GLDC: variants seen among roughly 807,000 people sequenced by gnomAD.
The protein encoded by GLDC is glycine decarboxylase.
A neutral mutation model predicts 121.3 loss-of-function variants in GLDC; 104 were observed. That is an observed-to-expected ratio of 0.86 (90% CI 0.73 to 1.01). The LOEUF (loss-of-function observed/expected upper bound fraction) is 1.01, where lower values mean the gene tolerates loss of function less well. Ranked by LOEUF, GLDC falls within the 50% of genes least tolerant of loss-of-function variation. The pLI is 0.00. For missense variants in GLDC, 1,429 were observed against 1,306.6 expected, an observed-to-expected ratio of 1.09 and a Z score of -1.44; for synonymous variants, 546 against 480.6, an observed-to-expected ratio of 1.14 and a Z score of -1.78.
chr9:6,594,476 T>C (rs1408400768), intron 9 of GLDC, among the ~76,000 whole-genome samples: 1 of 151,958 alleles, frequency 6.6e-6, no homozygotes, highest in East Asian at 1.9e-4. Context: ...TGGACGGATT[T>C]CTTGAGGTCA....
intron 21 of GLDC, among the ~76,000 whole-genome samples, chr9:6,546,235 C>G (rs568444166): frequency 6.6e-6 from 1 of 152,010 alleles, no homozygotes; most frequent in Non-Finnish European, 1.5e-5. Context: ...CTCTGTCACC[C>G]AGGCTGGAGT....
Position 6,558,728 on chromosome 9 carries a change from A to G in GLDC, c.1927-44T>C, listed in dbSNP as rs1217730155. 3.1e-6 allele frequency: 5 copies of G among 1,610,294 alleles called. No homozygotes were observed. The South Asian group carries it at 5.5e-5, about 18-fold the overall frequency. On this transcript the variant is annotated intron_variant, in intron 16 of 24. Coordinates refer to ENST00000321612, the MANE Select transcript of GLDC (RefSeq NM_000170.3). Reference sequence around the variant, plus strand: ...GCAAAGAAAGAGCAAAATCATCATCAGACTATGAATAATGACAGAAAAGTA... The same window carrying G: ...GCAAAGAAAGAGCAAAATCATCATCGGACTATGAATAATGACAGAAAAGTA...
At chr9:6,534,442 G>T (rs565102989) in intron 24 of GLDC, among the ~76,000 whole-genome samples, 2 of 150,858 alleles carry the variant, frequency 1.3e-5, no homozygotes, top group East Asian at 3.9e-4. Context: ...TCCCACAGTG[G>T]AGGGAAACAC....
intron 15 of GLDC, among the ~76,000 whole-genome samples, chr9:6,584,134 T>C (rs1249287556): frequency 1.3e-5 from 2 of 152,218 alleles, no homozygotes; most frequent in Admixed American, 1.3e-4. Context: ...TATCATACAA[T>C]AATGAAAGGG....
intron 12 of GLDC, 144 bp from the exon 13 acceptor site, chr9:6,588,846 G>A: frequency 1.4e-6 from 1 of 712,098 alleles, no homozygotes; most frequent in African/African-American, 1.7e-5. Context: ...TACACTCAGA[G>A]AGAAGGGCAC....
intron 21 of GLDC, among the ~76,000 whole-genome samples, chr9:6,546,614 G>A (rs1817396224): frequency 6.6e-6 from 1 of 152,044 alleles, no homozygotes; most frequent in African/African-American, 2.4e-5. Context: ...GGACCGCCCT[G>A]AAGCTGTTTT....
At chr9:6,626,327 G>A (rs1819236754) in intron 2 of GLDC, among the ~76,000 whole-genome samples, 1 of 152,178 alleles carries the variant, frequency 6.6e-6, no homozygotes, top group Non-Finnish European at 1.5e-5. Context: ...CTGACAATTA[G>A]CTCCAGGAGA....
At chr9:6,584,218 C>G (rs1818222001) in intron 15 of GLDC, among the ~76,000 whole-genome samples, 1 of 152,190 alleles carries the variant, frequency 6.6e-6, no homozygotes, top group African/African-American at 2.4e-5. Context: ...TCTAATTAGT[C>G]AGGTATAAAT....
chr9:6,580,241 C>T (rs1260482601), intron 15 of GLDC, among the ~76,000 whole-genome samples: 1 of 152,204 alleles, frequency 6.6e-6, no homozygotes, highest in African/African-American at 2.4e-5. Context: ...AGGCTCTCTG[C>T]TTCTATAATT....
intron 22 of GLDC, among the ~76,000 whole-genome samples, chr9:6,539,483 AC>A (rs1817208617): frequency 6.6e-6 from 1 of 152,128 alleles, no homozygotes; most frequent in South Asian, 2.1e-4. Flanking sequence ...TGTCTCCCCA[AC>A]CCCCAAAAAA....
intron 1 of GLDC, among the ~76,000 whole-genome samples, 158 bp downstream of exon 1, chr9:6,645,087 C>G (rs545485324): frequency 6.6e-6 from 1 of 152,334 alleles, no homozygotes; most frequent in Non-Finnish European, 1.5e-5. Flanking sequence ...GGCACGAGGA[C>G]CAAAGGCACG....
intron 14 of GLDC, among the ~76,000 whole-genome samples, chr9:6,588,089 A>T (rs566705492): frequency 5.8e-5 from 8 of 137,858 alleles, no homozygotes; most frequent in African/African-American, 8.0e-5. Flanking sequence ...AATTTTTTTT[A>T]AAAAAGCTTT....
intron 22 of GLDC, among the ~76,000 whole-genome samples, chr9:6,537,118 C>T (rs1817144614): frequency 6.6e-6 from 1 of 151,288 alleles, no homozygotes; most frequent in Non-Finnish European, 1.5e-5. Flanking sequence ...GCAGCCTCAA[C>T]CTCCTGGGCT....
At chr9:6,565,468 T>G in intron 15 of GLDC, 39 bp from the exon 16 acceptor site, 1 of 1,494,744 alleles carries the variant, frequency 6.7e-7, no homozygotes. Flanking sequence ...GGTTAGGTCT[T>G]CTGGCTTTCA....
At chr9:6,554,970 C>T in intron 18 of GLDC, 189 bp from the exon 19 acceptor site, 1 of 654,372 alleles carries the variant, frequency 1.5e-6, no homozygotes, top group Non-Finnish European at 2.8e-6. Flanking sequence ...ATCCGATAGG[C>T]AGAGTGCTTG....
At chr9:6,533,888 T>A (rs1467046061) in intron 24 of GLDC, among the ~76,000 whole-genome samples, 3 of 149,062 alleles carry the variant, frequency 2.0e-5, no homozygotes, top group Non-Finnish European at 4.5e-5. Context: ...TTTCTCATAC[T>A]GTGTATTAAA....
chr9:6,611,668 T>C (rs752960530), intron 3 of GLDC, among the ~76,000 whole-genome samples: 3 of 152,228 alleles, frequency 2.0e-5, no homozygotes, highest in Non-Finnish European at 4.4e-5. Flanking sequence ...CTAATTATCA[T>C]TTCCTTTTTA....
In GLDC at chr9:6,644,659, C is replaced by T. The variant is rs1587989978; in HGVS notation, c.289G>A (p.Ala97Thr). 5.6e-6 allele frequency: 9 copies of T among 1,613,464 alleles called. No homozygotes were observed. The highest frequency in any genetic ancestry group is 6.8e-6 in the Non-Finnish European group (8 of 1,179,488). Reference sequence around the variant, plus strand: ...AAGGGTCTTTTCAAACGGATGTTGGCAGGGACCGTCTTCTCGATCAATTCA... The same window carrying T: ...AAGGGTCTTTTCAAACGGATGTTGGTAGGGACCGTCTTCTCGATCAATTCA... ...IDELIEKTVP[A>T]NIRLKRPLKM... The change falls in exon 2 of 25, where the codon GCC (alanine) becomes ACC (threonine). Residue 97 changes from alanine to threonine, a missense_variant. Coordinates refer to ENST00000321612, the MANE Select transcript of GLDC (RefSeq NM_000170.3).
intron 2 of GLDC, among the ~76,000 whole-genome samples, chr9:6,635,272 C>T (rs1353418345): frequency 6.6e-6 from 1 of 152,108 alleles, no homozygotes; most frequent in Non-Finnish European, 1.5e-5. Flanking sequence ...TCAATAAGTG[C>T]AGAATGGAAG....
Sources: allele counts gnomAD v4.1 joint callset (sites outside exome capture counted in the v4.1 genomes callset), GRCh38; gene constraint gnomAD v4.1.1; transcripts MANE v1.5; gene names NCBI Gene and HGNC (gene_info 2026-07-23, HGNC 2026-07-21).